RP1L1: variants seen among roughly 807,000 people sequenced by gnomAD.
The protein encoded by RP1L1 is retinitis pigmentosa 1-like 1 protein.
In RP1L1, 27 loss-of-function variants were observed where a neutral mutation model predicts 15.7. The observed-to-expected ratio is 1.72, with a 90% CI of 1.27 to 2.38. The LOEUF (loss-of-function observed/expected upper bound fraction) is 2.38, where lower values mean the gene tolerates loss of function less well. Ranked by LOEUF, RP1L1 falls within the 30% of genes most tolerant of loss-of-function variation. RP1L1 has a pLI of 0.00. For missense variants in RP1L1, 4,798 were observed against 3,075.9 expected, an observed-to-expected ratio of 1.56 and a Z score of -13.24; for synonymous variants, 1,813 against 1,276.7, an observed-to-expected ratio of 1.42 and a Z score of -8.96.
At chr8:10,651,863 A>C (rs1030027883) in intron 1 of RP1L1, among the ~76,000 whole-genome samples, 1 of 152,102 alleles carries the variant, frequency 6.6e-6, no homozygotes, top group Non-Finnish European at 1.5e-5. Context: ...CATTTCTGTC[A>C]ATGACAGACC....
At chr8:10,640,844 C>T (rs1563139180) in intron 1 of RP1L1, among the ~76,000 whole-genome samples, 1 of 152,064 alleles carries the variant, frequency 6.6e-6, no homozygotes, top group Non-Finnish European at 1.5e-5. Flanking sequence ...AAACACAGCT[C>T]ACTGCAGCCT....
intron 1 of RP1L1, among the ~76,000 whole-genome samples, chr8:10,649,756 C>G (rs1196674343): frequency 1.3e-5 from 2 of 152,138 alleles, no homozygotes; most frequent in Non-Finnish European, 2.9e-5. Context: ...TGCTGGGGCC[C>G]CTTTCTGGCT....
rs1270989557 is a variant in RP1L1 at position 10,632,673 on chromosome 8, C to A, written c.-19-9453G>T. Among the ~76,000 whole-genome samples, 6 of 152,254 alleles carry A rather than the reference C, an allele frequency of 3.9e-5. No homozygotes were observed. In the East Asian group the frequency reaches 1.2e-3, roughly 29 times the overall value. On this transcript the variant is annotated intron_variant, in intron 1 of 3. Transcript: ENST00000382483. ...TGGCTCCCCAGTGGGCAGCACAGTG[C>A]ACAGCACCTTGTAGGTGCTCGGGAA...
chr8:10,630,967 G>A (rs116974212), intron 1 of RP1L1, among the ~76,000 whole-genome samples: 5,256 of 152,262 alleles, frequency 0.035, 118 homozygotes, highest in South Asian at 0.063. Context: ...GGGGCTAAGG[G>A]AGCCCCCTTT....
At chr8:10,616,769 G>A (rs868426687) in intron 2 of RP1L1, among the ~76,000 whole-genome samples, 182 bp from the exon 3 acceptor site, 2 of 152,174 alleles carry the variant, frequency 1.3e-5, no homozygotes, top group African/African-American at 4.8e-5. Context: ...ACTAGCTGGA[G>A]GCTGAGGTCC....
chr8:10,614,489 A>T (rs1459634361), intron 3 of RP1L1, among the ~76,000 whole-genome samples: 1 of 152,062 alleles, frequency 6.6e-6, no homozygotes, highest in Non-Finnish European at 1.5e-5. Context: ...GGGAAACCCC[A>T]TCTCTACTAA....
chr8:10,646,085 G>T (rs1380704620), intron 1 of RP1L1, among the ~76,000 whole-genome samples: 1 of 152,186 alleles, frequency 6.6e-6, no homozygotes, highest in Non-Finnish European at 1.5e-5. Context: ...AGTCTAAGCT[G>T]GGGGGACAGG....
intron 1 of RP1L1, among the ~76,000 whole-genome samples, chr8:10,643,345 A>G (rs760873116): frequency 3.9e-5 from 6 of 152,112 alleles, no homozygotes; most frequent in African/African-American, 1.4e-4. Context: ...GCCTAGAAAA[A>G]AAAATTGTTT....
chr8:10,638,328 G>A (rs1410012670), intron 1 of RP1L1, among the ~76,000 whole-genome samples: 4 of 152,188 alleles, frequency 2.6e-5, no homozygotes, highest in African/African-American at 9.7e-5. Flanking sequence ...AGTACAAACG[G>A]AAGCATGAAA....
At chr8:10,623,292 T>G in intron 1 of RP1L1, 72 bp from the exon 2 acceptor site, 1 of 1,150,158 alleles carries the variant, frequency 8.7e-7, no homozygotes, top group Middle Eastern at 3.0e-4. Flanking sequence ...CTTCCCGTCT[T>G]TCTAGAGGTG....
intron 1 of RP1L1, among the ~76,000 whole-genome samples, chr8:10,643,097 G>A (rs796876653): frequency 6.6e-6 from 1 of 152,158 alleles, no homozygotes; most frequent in African/African-American, 2.4e-5. Context: ...AGCACTTTGG[G>A]AGGCCAAGGC....
At chr8:10,630,889 A>T (rs1798230568) in intron 1 of RP1L1, among the ~76,000 whole-genome samples, 1 of 152,226 alleles carries the variant, frequency 6.6e-6, no homozygotes, top group Admixed American at 6.5e-5. Context: ...TGGTCATCGC[A>T]GCGGGAGAAA....
chr8:10,624,861 T>C (rs1798132033), intron 1 of RP1L1, among the ~76,000 whole-genome samples: 1 of 152,068 alleles, frequency 6.6e-6, no homozygotes, highest in South Asian at 2.1e-4. Context: ...TTCTGTCTTG[T>C]CGAACAGGAA....
intron 2 of RP1L1, among the ~76,000 whole-genome samples, chr8:10,622,250 G>A (rs961873074): frequency 6.6e-6 from 1 of 150,946 alleles, no homozygotes; most frequent in African/African-American, 2.4e-5. Context: ...AACCCAGAAG[G>A]CAGAGGTTGC....
At position 10,622,608 on chromosome 8, in the gene RP1L1, C is replaced by A. The variant is rs778582315; in HGVS notation, c.594G>T (p.Thr198=). Reference sequence around the variant, plus strand: ...AACAGCCTACCTTTTTCCCGCTGGTCGTGTACAACTGCTTCACAGGAAAGC... The same window carrying A: ...AACAGCCTACCTTTTTCCCGCTGGTAGTGTACAACTGCTTCACAGGAAAGC... ...LLRFPVKQLY[T]TSGKKVDSLQ... The change falls in exon 2 of 4, where the codon ACG becomes ACT. Residue 198 remains threonine, a synonymous_variant. Transcript: ENST00000382483. The A allele has an allele frequency of 1.3e-5, 21 of 1,613,984 alleles. No individual in the cohort carries two copies. Among genetic ancestry groups the A allele is most frequent in the Non-Finnish European group, 1.7e-5 (20 of 1,180,046 alleles).
intron 2 of RP1L1, among the ~76,000 whole-genome samples, chr8:10,618,348 AG>A (rs1446195813): frequency 1.3e-5 from 2 of 152,154 alleles, no homozygotes; most frequent in East Asian, 3.9e-4. Flanking sequence ...AAAAATACAA[AG>A]AAAAAAAAAT....
At chr8:10,654,302 A>T (rs1798606954) in intron 1 of RP1L1, among the ~76,000 whole-genome samples, 1 of 152,108 alleles carries the variant, frequency 6.6e-6, no homozygotes, top group Non-Finnish European at 1.5e-5. Flanking sequence ...TTCTGCACAA[A>T]TGGGCCCAGG....
rs562148718 is a variant in RP1L1 at position 10,642,738 on chromosome 8, G to C, written c.-20+12160C>G. Among the ~76,000 whole-genome samples, 3 of 152,160 alleles carry C rather than the reference G, an allele frequency of 2.0e-5. No homozygotes were observed. The South Asian group carries it at 6.2e-4, about 32-fold the overall frequency. ...CTTACAGAGCAAAGGAAATTTGTTG[G>C]CCTGGGTTTTGGTTGTGGTTAAGGG... On this transcript the variant is annotated intron_variant, in intron 1 of 3. Transcript: ENST00000382483.
intron 1 of RP1L1, among the ~76,000 whole-genome samples, chr8:10,644,901 G>A (rs573830250): frequency 6.6e-6 from 1 of 152,236 alleles, no homozygotes; most frequent in Non-Finnish European, 1.5e-5. Context: ...CAATAACGGT[G>A]AAAAATTCAG....
Sources: allele counts gnomAD v4.1 joint callset (sites outside exome capture counted in the v4.1 genomes callset), GRCh38; gene constraint gnomAD v4.1.1; transcripts MANE v1.5; gene names NCBI Gene and HGNC (gene_info 2026-07-23, HGNC 2026-07-21).